The following THSD4 variants were observed in gnomAD, a reference collection of about 807,000 sequenced individuals.
The protein encoded by THSD4 is thrombospondin type 1 domain containing 4.
THSD4 carries 69 observed loss-of-function variants against 119.0 expected under a neutral mutation model. That is an observed-to-expected ratio of 0.58 (90% CI 0.48 to 0.71). THSD4 has a LOEUF of 0.71. Among genes scored for constraint, THSD4 ranks in the 30% least tolerant of loss-of-function variants. The pLI, the probability that THSD4 is intolerant of heterozygous loss-of-function variation, is 0.00. For synonymous variants in THSD4, 524 were observed against 540.4 expected (o/e 0.97, Z 0.42); for missense variants, 1,393 against 1,391.1 (o/e 1.00, Z -0.02).
chr15:71,197,363 T>C (rs1350845301), intron 3 of THSD4, among the ~76,000 whole-genome samples: 1 of 152,222 alleles, frequency 6.6e-6, no homozygotes, highest in Non-Finnish European at 1.5e-5. Context: ...ATCTCTTCAA[T>C]GGTTTGGGCA....
At chr15:71,433,598 T>A (rs1322682743) in intron 7 of THSD4, among the ~76,000 whole-genome samples, 1 of 151,898 alleles carries the variant, frequency 6.6e-6, no homozygotes, top group Non-Finnish European at 1.5e-5. Context: ...TCATCCTGGG[T>A]CGCAGGTACT....
chr15:71,697,096 G>A (rs1284040158), intron 8 of THSD4, among the ~76,000 whole-genome samples: 4 of 152,190 alleles, frequency 2.6e-5, no homozygotes, highest in African/African-American at 9.7e-5. Flanking sequence ...GGAGCAAAAG[G>A]GGATGATTCA....
intron 8 of THSD4, among the ~76,000 whole-genome samples, chr15:71,667,971 T>G (rs1338289539): frequency 1.3e-5 from 2 of 152,198 alleles, no homozygotes; most frequent in East Asian, 3.8e-4. Context: ...TTTTTGCAAT[T>G]TGTGTCCTTA....
intron 7 of THSD4, among the ~76,000 whole-genome samples, chr15:71,512,470 T>C (rs2140761158): frequency 6.6e-6 from 1 of 152,340 alleles, no homozygotes; most frequent in Admixed American, 6.5e-5. Context: ...ATAATGGACA[T>C]GGTTCAAATA....
intron 16 of THSD4, among the ~76,000 whole-genome samples, chr15:71,765,932 A>T (rs1411917502): frequency 6.6e-6 from 1 of 152,084 alleles, no homozygotes; most frequent in African/African-American, 2.4e-5. Flanking sequence ...TGCCTCACCT[A>T]GTATACCAGA....
At chr15:71,657,737 T>G (rs1344141665) in intron 7 of THSD4, among the ~76,000 whole-genome samples, 1 of 152,194 alleles carries the variant, frequency 6.6e-6, no homozygotes, top group African/African-American at 2.4e-5. Context: ...CCAGGCTACT[T>G]CGACATCTAC....
chr15:71,539,549 G>A (rs1478442014), intron 7 of THSD4, among the ~76,000 whole-genome samples: 2 of 152,150 alleles, frequency 1.3e-5, no homozygotes, highest in African/African-American at 4.8e-5. Flanking sequence ...TACATGGGAT[G>A]TGTGGTTTTA....
chr15:71,460,336 G>A (rs1432741183), intron 7 of THSD4, among the ~76,000 whole-genome samples: 1 of 126,532 alleles, frequency 7.9e-6, no homozygotes, highest in Non-Finnish European at 1.6e-5. Flanking sequence ...TTGAAAGCAT[G>A]CCATTGGTCC....
At chr15:71,248,563 G>A (rs2044227463) in intron 5 of THSD4, among the ~76,000 whole-genome samples, 1 of 152,054 alleles carries the variant, frequency 6.6e-6, no homozygotes, top group Non-Finnish European at 1.5e-5. Context: ...CATTATGAGG[G>A]AGAAATTCCT....
At chr15:71,465,230 A>G (rs1279403999) in intron 7 of THSD4, among the ~76,000 whole-genome samples, 4 of 152,218 alleles carry the variant, frequency 2.6e-5, no homozygotes, top group Non-Finnish European at 5.9e-5. Context: ...TAATGGAAAC[A>G]AGGTCTCCCA....
At chr15:71,415,329 C>T (rs1596416324) in intron 7 of THSD4, among the ~76,000 whole-genome samples, 1 of 152,366 alleles carries the variant, frequency 6.6e-6, no homozygotes, top group East Asian at 1.9e-4. Flanking sequence ...TCTGTTTCAG[C>T]TCAAGTTAAA....
chr15:71,391,697 G>C (rs551546938), intron 6 of THSD4, among the ~76,000 whole-genome samples: 1 of 152,220 alleles, frequency 6.6e-6, no homozygotes, highest in African/African-American at 2.4e-5. Context: ...TTGTTAGTGG[G>C]AACTTTCACT....
chr15:71,328,953 G>A (rs1478140566), intron 6 of THSD4, among the ~76,000 whole-genome samples: 1 of 152,112 alleles, frequency 6.6e-6, no homozygotes, highest in Non-Finnish European at 1.5e-5. Context: ...ATAAATCTAA[G>A]TTTCTCTCCA....
rs1435301640 is a variant in THSD4 at position 71,583,547 on chromosome 15, C to T, written c.1153-76983C>T. 4.7e-5 allele frequency among the ~76,000 whole-genome samples: 7 copies of T among 150,254 alleles called. No homozygotes were observed. In the East Asian group the frequency reaches 1.4e-3, roughly 29 times the overall value. ...CTTGTTTTTTCACAGTCACTATAAA[C>T]TTTCCTCTTAGAACTGCTTTTGCTG... On this transcript the variant is annotated intron_variant, in intron 7 of 17. Transcript: ENST00000261862.
intron 7 of THSD4, among the ~76,000 whole-genome samples, chr15:71,606,216 TCTCC>T (rs2050106844): frequency 6.6e-6 from 1 of 152,256 alleles, no homozygotes; most frequent in African/African-American, 2.4e-5. Context: ...GTTTTTCTGC[TCTCC>T]CTCTTCTTGG....
chr15:71,454,618 A>G (rs1354312623), intron 7 of THSD4, among the ~76,000 whole-genome samples: 3 of 152,250 alleles, frequency 2.0e-5, no homozygotes, highest in Non-Finnish European at 1.5e-5. Context: ...GCAACTTGCA[A>G]TGAAGGGAAG....
At chr15:71,510,583 C>T (rs4073166) in intron 7 of THSD4, among the ~76,000 whole-genome samples, 121,958 of 152,050 alleles carry the variant, frequency 0.8, 49,074 homozygotes, top group East Asian at 0.94. Flanking sequence ...CTGAATACAG[C>T]ATGGGAGCAA....
At chr15:71,438,017 C>T (rs968989704) in intron 7 of THSD4, among the ~76,000 whole-genome samples, 1 of 152,166 alleles carries the variant, frequency 6.6e-6, no homozygotes, top group Non-Finnish European at 1.5e-5. Flanking sequence ...GAGTGCAGTG[C>T]CTTGGGTGAA....
chr15:71,235,556 G>C (rs1235190256), intron 4 of THSD4, among the ~76,000 whole-genome samples: 1 of 149,296 alleles, frequency 6.7e-6, no homozygotes, highest in African/African-American at 2.5e-5. Flanking sequence ...AACTTAGGTA[G>C]CAAGATGCAA....
Sources: gnomAD v4.1 joint callset for allele counts (sites outside exome capture counted in the v4.1 genomes callset) on GRCh38, gnomAD v4.1.1 for gene constraint, MANE v1.5 for transcripts, NCBI Gene and HGNC (gene_info 2026-07-23, HGNC 2026-07-21) for gene names.